PTPRG: variants seen among roughly 807,000 people sequenced by gnomAD.
PTPRG encodes protein tyrosine phosphatase receptor type G.
A neutral mutation model predicts 165.3 loss-of-function variants in PTPRG; 102 were observed. The ratio of observed to expected loss-of-function variants is 0.62; its 90% CI spans 0.53 to 0.73. The LOEUF is 0.73. Among genes scored for constraint, PTPRG ranks in the 30% least tolerant of loss-of-function variants. The pLI is 0.00. For synonymous variants in PTPRG, 675 were observed against 669.5 expected (o/e 1.01, Z -0.13); for missense variants, 1,866 against 1,861.4 (o/e 1.00, Z -0.05).
At chr3:61,633,312 A>G (rs1701818423) in intron 1 of PTPRG, among the ~76,000 whole-genome samples, 1 of 152,150 alleles carries the variant, frequency 6.6e-6, no homozygotes, top group South Asian at 2.1e-4. Flanking sequence ...CTTGGTAAGC[A>G]TTTGTTAATC....
chr3:61,717,728 G>A (rs1288299666), intron 1 of PTPRG, among the ~76,000 whole-genome samples: 1 of 151,868 alleles, frequency 6.6e-6, no homozygotes, highest in Non-Finnish European at 1.5e-5. Context: ...GTTGCAGATT[G>A]CAGTGAGCTG....
At chr3:62,067,855 CAA>C (rs1484376818) in intron 4 of PTPRG, among the ~76,000 whole-genome samples, 1 of 152,142 alleles carries the variant, frequency 6.6e-6, no homozygotes, top group Non-Finnish European at 1.5e-5. Context: ...ATCACCCCCT[CAA>C]AGAGTGACAA....
chr3:61,568,619 T>A (rs1451398591), intron 1 of PTPRG, among the ~76,000 whole-genome samples: 1 of 149,966 alleles, frequency 6.7e-6, no homozygotes, highest in African/African-American at 2.4e-5. Context: ...TAAAAAAAAT[T>A]TTTTTTTTGG....
At chr3:62,074,525 G>A (rs1474400976) in intron 4 of PTPRG, among the ~76,000 whole-genome samples, 1 of 151,510 alleles carries the variant, frequency 6.6e-6, no homozygotes, top group Non-Finnish European at 1.5e-5. Context: ...ATTTTTTGTA[G>A]AGATGAGGTC....
intron 2 of PTPRG, among the ~76,000 whole-genome samples, chr3:61,825,851 A>G (rs972124006): frequency 4.6e-5 from 7 of 152,066 alleles, no homozygotes; most frequent in East Asian, 1.9e-4. Context: ...AGGTTATGCT[A>G]TGTTGTCCAG....
chr3:61,813,061 T>A (rs2035636274), intron 2 of PTPRG, among the ~76,000 whole-genome samples: 1 of 152,158 alleles, frequency 6.6e-6, no homozygotes. Context: ...GAAAGACTGT[T>A]GTATTTGAAA....
intron 2 of PTPRG, among the ~76,000 whole-genome samples, chr3:61,890,292 T>C (rs531162736): frequency 6.6e-6 from 1 of 152,218 alleles, no homozygotes; most frequent in Non-Finnish European, 1.5e-5. Context: ...ATTCATTCTT[T>C]GGTTCTCCTT....
At chr3:61,662,587 A>G (rs1702696346) in intron 1 of PTPRG, among the ~76,000 whole-genome samples, 1 of 152,204 alleles carries the variant, frequency 6.6e-6, no homozygotes, top group South Asian at 2.1e-4. Context: ...GTTGTGGGAT[A>G]ATTTGTTACA....
intron 4 of PTPRG, among the ~76,000 whole-genome samples, chr3:62,005,511 A>C (rs995161908): frequency 1.3e-5 from 2 of 151,910 alleles, no homozygotes; most frequent in African/African-American, 4.8e-5. Flanking sequence ...GTCGTTTTGG[A>C]CAAAAGACCT....
At chr3:61,822,205 C>T (rs1164706304) in intron 2 of PTPRG, among the ~76,000 whole-genome samples, 1 of 152,198 alleles carries the variant, frequency 6.6e-6, no homozygotes, top group Non-Finnish European at 1.5e-5. Context: ...TCTTTGACTT[C>T]TGTGTCTGTT....
rs139381178 is a variant in PTPRG, at chr3:61,789,497, G to C, written c.190+40515G>C. Among the ~76,000 whole-genome samples the C allele has an allele frequency of 4.5e-4, 69 of 152,280 alleles. No individual in the cohort carries two copies. The East Asian group carries it at 0.01, about 22-fold the overall frequency. Reference sequence around the variant, plus strand: ...GTTGAATAGACCAACACACAGATGGGTAAGTGTAAATATAGTGTTATAATT... The same window carrying C: ...GTTGAATAGACCAACACACAGATGGCTAAGTGTAAATATAGTGTTATAATT... On this transcript the variant is annotated intron_variant, in intron 2 of 29. Transcript: ENST00000474889.
chr3:61,891,261 C>G (rs2107499708), intron 2 of PTPRG, among the ~76,000 whole-genome samples: 1 of 152,198 alleles, frequency 6.6e-6, no homozygotes, highest in South Asian at 2.1e-4. Flanking sequence ...TACCATTGCA[C>G]TCCAGCCTGG....
rs7622163 is a variant in PTPRG, at chr3:61,718,197, A to G, written c.86-30681A>G. Among the ~76,000 whole-genome samples, 782 of 146,246 alleles carry G rather than the reference A, an allele frequency of 5.3e-3. 6 individuals carry two copies. Among genetic ancestry groups the G allele is most frequent in the African/African-American group, 0.019 (754 of 38,970 alleles). The stretch of plus-strand genomic sequence containing the variant: ...CCTGTCTAAAACAAAACAAAACAAA[A>G]CAAAAAAACAAAAACCAAAAAAAAA... On this transcript the variant is annotated intron_variant, in intron 1 of 29. Coordinates refer to ENST00000474889, the MANE Select transcript of PTPRG (RefSeq NM_002841.4).
rs535540814 is a variant in PTPRG, at chr3:62,213,440, C to A, written c.2156-5411C>A. Among the ~76,000 whole-genome samples, 40 of 152,266 alleles carry A rather than the reference C, an allele frequency of 2.6e-4. No individual in the cohort carries two copies. Among genetic ancestry groups the A allele is most frequent in the African/African-American group, 9.4e-4 (39 of 41,552 alleles). On this transcript the variant is annotated intron_variant, in intron 12 of 29. Coordinates refer to ENST00000474889, the MANE Select transcript of PTPRG (RefSeq NM_002841.4). The surrounding 1 kb of genome is among the most constrained non-coding windows in gnomAD (Gnocchi z 4.4). ...CCATGATTTCATTTTGCATTTGGTC[C>A]TATAAGTTACATAGCCATAACTTAC...
rs887562963 is a variant in PTPRG, at chr3:61,562,161, C to T, written c.-127C>T. On this transcript the variant is annotated 5_prime_UTR_variant, in exon 1 of 30. Coordinates refer to ENST00000474889, the MANE Select transcript of PTPRG (RefSeq NM_002841.4). Reference sequence around the variant, plus strand: ...TTCCAAGGGGACTCGGGCCGCCGAGCGCGGGGGGCCCGTGGAGCGGGCGAG... The same window carrying T: ...TTCCAAGGGGACTCGGGCCGCCGAGTGCGGGGGGCCCGTGGAGCGGGCGAG... 3.4e-5 allele frequency: 27 copies of T among 784,714 alleles called. No homozygotes were observed. Among genetic ancestry groups the T allele is most frequent in the South Asian group, 6.4e-5 (4 of 62,512 alleles). The allele number at this position is 784,714 out of a possible 1,614,324, so 48.6% of individuals were successfully genotyped here. A position where few individuals can be genotyped will look rare whatever the true frequency, so the allele number is the denominator to read the frequency against.
At chr3:61,963,216 T>C (rs996364357) in intron 2 of PTPRG, among the ~76,000 whole-genome samples, 2 of 152,214 alleles carry the variant, frequency 1.3e-5, no homozygotes, top group Admixed American at 1.3e-4. Flanking sequence ...TTATTAAACA[T>C]ACTCCCTCAA....
At chr3:62,033,696 A>T (rs1418592482) in intron 4 of PTPRG, among the ~76,000 whole-genome samples, 1 of 152,020 alleles carries the variant, frequency 6.6e-6, no homozygotes, top group Non-Finnish European at 1.5e-5. Context: ...GATGCAAATT[A>T]CAGAGGGAGA....
intron 1 of PTPRG, among the ~76,000 whole-genome samples, chr3:61,611,760 A>C (rs1010235383): frequency 1.1e-4 from 17 of 152,050 alleles, no homozygotes; most frequent in Non-Finnish European, 2.2e-4. Flanking sequence ...ATGAATGGGT[A>C]TGGTAGTGTT....
chr3:61,724,456 C>T (rs922583844), intron 1 of PTPRG, among the ~76,000 whole-genome samples: 2 of 151,892 alleles, frequency 1.3e-5, no homozygotes, highest in African/African-American at 2.4e-5. Context: ...ATTAACAGTG[C>T]GTACACGTTT....
Sources: allele counts gnomAD v4.1 joint callset (sites outside exome capture counted in the v4.1 genomes callset), GRCh38; gene constraint gnomAD v4.1.1; non-coding constraint Gnocchi (gnomAD v3.1); transcripts MANE v1.5; gene names NCBI Gene and HGNC (gene_info 2026-07-23, HGNC 2026-07-21).